PDE9A: variants seen among roughly 807,000 people sequenced by gnomAD.
PDE9A encodes the protein phosphodiesterase 9A.
A neutral mutation model predicts 87.4 loss-of-function variants in PDE9A; 60 were observed. The ratio of observed to expected loss-of-function variants is 0.69; its 90% CI spans 0.56 to 0.85. The LOEUF (loss-of-function observed/expected upper bound fraction) is 0.85. Among genes scored for constraint, PDE9A ranks in the 40% least tolerant of loss-of-function variants. The pLI, the probability that PDE9A is intolerant of heterozygous loss-of-function variation, is 0.00. For synonymous variants in PDE9A, 272 were observed against 279.4 expected (o/e 0.97, Z 0.27); for missense variants, 665 against 779.0 (o/e 0.85, Z 1.74).
At chr21:42,744,503 A>C (rs148485697) in intron 8 of PDE9A, among the ~76,000 whole-genome samples, 2 of 152,306 alleles carry the variant, frequency 1.3e-5, no homozygotes, top group African/African-American at 4.8e-5. Flanking sequence ...CAAGAAGAGG[A>C]AAAGCATTAG....
intron 4 of PDE9A, among the ~76,000 whole-genome samples, chr21:42,716,747 C>CTTTTTTTT (rs60104683): frequency 4.2e-4 from 40 of 94,266 alleles, no homozygotes; most frequent in South Asian, 1.3e-3. Context: ...TTATAATTTC[C>CTTTTTTTT]TTTTTTTTTT....
chr21:42,695,120 G>A lies in PDE9A; in HGVS notation c.219-3848G>A, dbSNP rs908431861. Among the ~76,000 whole-genome samples the A allele has an allele frequency of 2.0e-5, 3 of 152,152 alleles. No individual in the cohort carries two copies. The highest frequency in any genetic ancestry group is 4.8e-5 in the African/African-American group (2 of 41,420). On this transcript the variant is annotated intron_variant, in intron 3 of 19. Coordinates refer to ENST00000291539, the MANE Select transcript of PDE9A (RefSeq NM_002606.3). The surrounding 1 kb of genome is among the most constrained non-coding windows in gnomAD (Gnocchi z 4.3). ...CGGCATTTGAAATAACCTGGAACAC[G>A]TTTACATCATGGAAAATATGGAAAA...
intron 1 of PDE9A, among the ~76,000 whole-genome samples, chr21:42,673,686 G>A (rs1274895221): frequency 6.6e-6 from 1 of 152,220 alleles, no homozygotes; most frequent in Non-Finnish European, 1.5e-5. Context: ...GTTCGAGGTG[G>A]CAGCTATAGG....
chr21:42,662,759 C>A (rs548249920), intron 1 of PDE9A, among the ~76,000 whole-genome samples: 2 of 141,084 alleles, frequency 1.4e-5, no homozygotes, highest in African/African-American at 5.4e-5. Flanking sequence ...GAACGCACAC[C>A]ACACACAAGG....
At chr21:42,656,255 C>T (rs2057061369) in intron 1 of PDE9A, among the ~76,000 whole-genome samples, 1 of 152,320 alleles carries the variant, frequency 6.6e-6, no homozygotes, top group South Asian at 2.1e-4. Context: ...GTGTTGCTTT[C>T]CGTCACTGTG....
rs983566805 is a variant in PDE9A, at chr21:42,704,630, C to T, written c.262+5619C>T. Among the ~76,000 whole-genome samples, 3 of 152,216 alleles carry T rather than the reference C, an allele frequency of 2.0e-5. No individual in the cohort carries two copies. The highest frequency in any genetic ancestry group is 4.8e-5 in the African/African-American group (2 of 41,458). ...GCCCAAGGTCAGGAGTTAGCTCTAG[C>T]GACGCCGCCCTGAGTTCTGGCCTGT... On this transcript the variant is annotated intron_variant, in intron 4 of 19. Coordinates refer to ENST00000291539, the MANE Select transcript of PDE9A (RefSeq NM_002606.3). This position sits in a 1 kb window ranked among gnomAD's most constrained non-coding sequence, Gnocchi z 5.3.
chr21:42,740,545 G>A lies in PDE9A; in HGVS notation c.569-3231G>A, dbSNP rs142659246. ...AAATAGGATGGATAAATAGAACATA[G>A]GTAGATACATAAATATGATGAATGC... is the stretch of plus-strand genomic sequence containing the variant. On this transcript the variant is annotated intron_variant, in intron 7 of 19. Coordinates refer to ENST00000291539, the MANE Select transcript of PDE9A (RefSeq NM_002606.3). Among the ~76,000 whole-genome samples, 436 of 151,982 alleles carry A rather than the reference G, an allele frequency of 2.9e-3. 1 individual carries two copies. Among genetic ancestry groups the A allele is most frequent in the Non-Finnish European group, 3.7e-3 (249 of 67,988 alleles).
At chr21:42,769,497 ACGCAG>A (rs1222667762) in intron 17 of PDE9A, among the ~76,000 whole-genome samples, 1 of 11,006 alleles carries the variant, frequency 9.1e-5, no homozygotes, top group Non-Finnish European at 2.6e-4. Context: ...CACACAAGGC[ACGCAG>A]GTACACATGC....
At chr21:42,666,061 A>G (rs1310399113) in intron 1 of PDE9A, among the ~76,000 whole-genome samples, 1 of 152,178 alleles carries the variant, frequency 6.6e-6, no homozygotes, top group African/African-American at 2.4e-5. Context: ...AGGCCCTGAC[A>G]TCTAAAAAGA....
chr21:42,742,496 C>T (rs1341404464), intron 7 of PDE9A, among the ~76,000 whole-genome samples: 2 of 120,604 alleles, frequency 1.7e-5, no homozygotes, highest in African/African-American at 3.2e-5. Context: ...GACAGAGTCT[C>T]ACTCTGTCCC....
intron 4 of PDE9A, among the ~76,000 whole-genome samples, chr21:42,707,516 G>T (rs960044341): frequency 6.6e-6 from 1 of 152,160 alleles, no homozygotes; most frequent in Non-Finnish European, 1.5e-5. Flanking sequence ...TCAGAGCGAG[G>T]AGTCACCTGT....
intron 1 of PDE9A, among the ~76,000 whole-genome samples, chr21:42,662,739 TCAC>T (rs2057626333): frequency 2.0e-5 from 2 of 101,806 alleles, no homozygotes; most frequent in Non-Finnish European, 3.8e-5. Flanking sequence ...ACCAGGCACA[TCAC>T]ACACAAGAAC....
At position 42,760,506 on chromosome 21, in the gene PDE9A, A is replaced by T. The variant is rs1448310936; in HGVS notation, c.1002+74A>T. ...CGGAGGCCCCCTTCCAGGGAGCGGC[A>T]GCCCCATCCCACCAAGAGAGCCACA... On this transcript the variant is annotated intron_variant, in intron 12 of 19. Coordinates refer to ENST00000291539, the MANE Select transcript of PDE9A (RefSeq NM_002606.3). This position sits in a 1 kb window ranked among gnomAD's most constrained non-coding sequence, Gnocchi z 5.2. 3.3e-6 allele frequency: 3 copies of T among 921,856 alleles called. No homozygotes were observed. The African/African-American group carries it at 4.9e-5, about 15-fold the overall frequency. 57.1% of individuals were successfully genotyped at this position (921,856 alleles called of 1,614,324 possible).
intron 7 of PDE9A, among the ~76,000 whole-genome samples, chr21:42,738,312 C>T (rs535813580): frequency 7.9e-5 from 12 of 152,334 alleles, no homozygotes; most frequent in East Asian, 3.9e-4. Flanking sequence ...GTGCTCTACG[C>T]GGGCTCTTTA....
rs1222901127 is a variant in PDE9A, at chr21:42,739,818, T to C, written c.569-3958T>C. Among the ~76,000 whole-genome samples, 2 of 152,020 alleles carry C rather than the reference T, an allele frequency of 1.3e-5. No individual in the cohort carries two copies. The highest frequency in any genetic ancestry group is 6.6e-5 in the Admixed American group (1 of 15,260). On this transcript the variant is annotated intron_variant, in intron 7 of 19. Coordinates refer to ENST00000291539, the MANE Select transcript of PDE9A (RefSeq NM_002606.3). The surrounding 1 kb of genome is among the most constrained non-coding windows in gnomAD (Gnocchi z 4.1). Reference sequence around the variant, plus strand: ...TGGACATGGGAAAAAAATTATAGGTTTGTTGCAAACTCATTTAGCAGCAAA... The same window carrying C: ...TGGACATGGGAAAAAAATTATAGGTCTGTTGCAAACTCATTTAGCAGCAAA...
chr21:42,673,834 C>T (rs2269137), intron 1 of PDE9A, among the ~76,000 whole-genome samples: 34,640 of 152,084 alleles, frequency 0.23, 4,022 homozygotes, highest in East Asian at 0.41. Flanking sequence ...GCCTGGGCGA[C>T]GCTGCCCTGC....
intron 7 of PDE9A, among the ~76,000 whole-genome samples, chr21:42,740,757 A>ATAGATAGAT (rs1555934805): frequency 1.3e-4 from 15 of 119,488 alleles, no homozygotes; most frequent in African/African-American, 3.7e-4. Flanking sequence ...GATAAACAGG[A>ATAGATAGAT]TAGATAGATA....
intron 1 of PDE9A, among the ~76,000 whole-genome samples, chr21:42,674,358 C>G (rs2058726369): frequency 6.9e-6 from 1 of 145,466 alleles, no homozygotes; most frequent in African/African-American, 2.6e-5. Flanking sequence ...ATTTGTGGCC[C>G]AGGCTGGGGT....
Position 42,704,926 on chromosome 21 carries a change from A to G in PDE9A, c.262+5915A>G, listed in dbSNP as rs993375508. ...CCAGGGTTTTGCTGTTTTGCTACTTAAATATTCAGGAAATAGTAAAGAGAA... is the reference window on the plus strand; with the variant it reads ...CCAGGGTTTTGCTGTTTTGCTACTTGAATATTCAGGAAATAGTAAAGAGAA... On this transcript the variant is annotated intron_variant, in intron 4 of 19. Transcript: ENST00000291539. The surrounding 1 kb of genome is among the most constrained non-coding windows in gnomAD (Gnocchi z 5.3). Among the ~76,000 whole-genome samples, 1 of 152,238 alleles carries G rather than the reference A, an allele frequency of 6.6e-6. No homozygotes were observed. Among genetic ancestry groups the G allele is most frequent in the Non-Finnish European group, 1.5e-5 (1 of 68,040 alleles).
Sources: allele counts gnomAD v4.1 joint callset (sites outside exome capture counted in the v4.1 genomes callset), GRCh38; gene constraint gnomAD v4.1.1; non-coding constraint Gnocchi (gnomAD v3.1); transcripts MANE v1.5; gene names NCBI Gene and HGNC (gene_info 2026-07-23, HGNC 2026-07-21).